The following PTCH1 variants were observed in gnomAD, a reference collection of about 807,000 sequenced individuals.
PTCH1 encodes protein patched homolog 1.
In PTCH1, 14 loss-of-function variants were observed where a neutral mutation model predicts 144.6. The ratio of observed to expected loss-of-function variants is 0.10; its 90% CI spans 0.06 to 0.15. PTCH1 has a LOEUF of 0.15. PTCH1 is among the 10% of genes least tolerant of loss of function. PTCH1 has a pLI of 1.00. For synonymous variants in PTCH1, 833 were observed against 793.6 expected (o/e 1.05, Z -0.83); for missense variants, 1,623 against 1,948.3 (o/e 0.83, Z 3.14).
At position 95,458,289 on chromosome 9, in the gene PTCH1, C is replaced by T. The variant is rs377213209; in HGVS notation, c.2892G>A (p.Pro964=). Residue 964 remains proline (P), a synonymous_variant, in exon 18 of 24, where the codon CCG becomes CCA. Transcript: ENST00000331920. This position sits in a 1 kb window ranked among gnomAD's most constrained non-coding sequence, Gnocchi z 4.7. ...DYMPETRLRI[P]AAEPIEYAQF... ...GGGCATACTCGATGGGCTCTGCTGC[C>T]GGGACTGGACAGAGAAGGGCACAGG... 34 of 1,613,114 alleles carry T rather than the reference C, an allele frequency of 2.1e-5. No individual in the cohort carries two copies. The highest frequency in any genetic ancestry group is 5.0e-5 in the Admixed American group (3 of 59,852).
intron 2 of PTCH1, among the ~76,000 whole-genome samples, chr9:95,499,093 G>A (rs1184499064): frequency 2.6e-5 from 4 of 152,106 alleles, no homozygotes; most frequent in African/African-American, 4.8e-5. Context: ...CACTGTCCAT[G>A]CGCCACGGTA....
chr9:95,498,797 C>G (rs998589290), intron 2 of PTCH1, among the ~76,000 whole-genome samples: 12 of 152,172 alleles, frequency 7.9e-5, no homozygotes, highest in African/African-American at 2.9e-4. Context: ...TGAGAGAATC[C>G]CGCAGAGCTT....
At chr9:95,494,171 A>T in intron 2 of PTCH1, 1 of 980,306 alleles carries the variant, frequency 1.0e-6, no homozygotes, top group Non-Finnish European at 1.2e-6. Context: ...GCCGGAAGCA[A>T]GCTTCCCCGC....
Position 95,508,508 on chromosome 9 carries a change from G to A in PTCH1, c.-147C>T, listed in dbSNP as rs931145274. The A allele has an allele frequency of 2.0e-6, 2 of 1,017,510 alleles. No homozygotes were observed. The highest frequency in any genetic ancestry group is 2.3e-6 in the Non-Finnish European group (2 of 851,104). The allele number at this position is 1,017,510 out of a possible 1,614,324, so 63.0% of individuals were successfully genotyped here. A position where few individuals can be genotyped will look rare whatever the true frequency, so the allele number is the denominator to read the frequency against. On this transcript the variant is annotated 5_prime_UTR_variant, in exon 1 of 24. Coordinates refer to ENST00000331920, the MANE Select transcript of PTCH1 (RefSeq NM_000264.5). ...CGCAGGCTGCTCGGGCTCGGGCTCC[G>A]GTTGACAGACCAGCCGCTGCTGCTG...
rs2118880579 is a variant in PTCH1, at chr9:95,506,565, A to T, written c.236T>A (p.Leu79Gln). 1 of 1,612,882 alleles carries T rather than the reference A, an allele frequency of 6.2e-7. No homozygotes were observed. Among genetic ancestry groups the T allele is most frequent in the Non-Finnish European group, 8.5e-7 (1 of 1,179,446 alleles). ...TAAGAGTCTCTGAAACTTCGCTCTC[A>T]GCCACAGCGGCGCTTTCCGGCCAGT... ...KATGRKAPLWLRAKFQRLLFK... is the reference protein window; with the variant it reads ...KATGRKAPLWQRAKFQRLLFK... The change falls in exon 2 of 24, where the codon CTG becomes CAG. Residue 79 changes from leucine (L) to glutamine (Q), a missense_variant. Physicochemically the swap from Leu to Gln is moderately radical, Grantham distance 113. This residue lies in a region of PTCH1 where 245 missense variants were observed against 240.6 expected (regional missense o/e 1.02). Transcript: ENST00000331920.
intron 2 of PTCH1, among the ~76,000 whole-genome samples, chr9:95,486,121 C>T (rs1364880875): frequency 6.6e-6 from 1 of 151,958 alleles, no homozygotes; most frequent in Non-Finnish European, 1.5e-5. Context: ...CTAATTCTAA[C>T]TAATACACTG....
Position 95,467,096 on chromosome 9 carries a change from A to G in PTCH1, c.2560+20T>C, listed in dbSNP as rs750223422. 12 of 1,613,220 alleles carry G rather than the reference A, an allele frequency of 7.4e-6. No individual in the cohort carries two copies. In the Admixed American group the frequency reaches 1.5e-4, roughly 20 times the overall value. On this transcript the variant is annotated intron_variant, in intron 15 of 23. Coordinates refer to ENST00000331920, the MANE Select transcript of PTCH1 (RefSeq NM_000264.5). ...ACACGCAAAAGACCGAAAGGACGAG[A>G]GCCTCCCACGCCGTCTTACCCTGAA...
chr9:95,460,063 A>G, intron 16 of PTCH1: 1 of 470,824 alleles, frequency 2.1e-6, no homozygotes, highest in Non-Finnish European at 3.9e-6. Context: ...GACCGTCTGC[A>G]GCCAAGGCAG....
At chr9:95,514,101 A>C (rs1844264395), upstream of PTCH1, 2 of 152,142 alleles carry the variant, frequency 1.3e-5, no homozygotes, top group South Asian at 4.1e-4. Flanking sequence ...ATTAGACTTT[A>C]TGTATTGCCA....
In PTCH1 at chr9:95,446,250, C is replaced by T. The variant is rs1385499951; in HGVS notation, c.*143G>A. The T allele has an allele frequency of 5.4e-5, 23 of 425,314 alleles. No individual in the cohort carries two copies. Among genetic ancestry groups the T allele is most frequent in the East Asian group, 4.8e-4 (7 of 14,456 alleles). The allele number at this position is 425,314 out of a possible 1,614,324, so 26.3% of individuals were successfully genotyped here. ...GAAATATTTAACAAAATAATACAATCGGTTACAGTAACAATGAACTGCTGT... is the reference window on the plus strand; with the variant it reads ...GAAATATTTAACAAAATAATACAATTGGTTACAGTAACAATGAACTGCTGT... On this transcript the variant is annotated 3_prime_UTR_variant, in exon 24 of 24. Transcript: ENST00000331920.
upstream of PTCH1, among the ~76,000 whole-genome samples, chr9:95,512,776 C>T (rs559046021): frequency 6.6e-6 from 1 of 152,306 alleles, no homozygotes; most frequent in East Asian, 1.9e-4. Context: ...GGAAGACAGT[C>T]CCTTTAAATG....
rs1490235395 is a variant in PTCH1, at chr9:95,443,240, C to T, written c.*3153G>A. On this transcript the variant is annotated 3_prime_UTR_variant, in exon 24 of 24. Transcript: ENST00000331920. ...TGTAACAGAGCTATGCTTATACCCA[C>T]TATTTATACAAAACAAAAAGGAGGA... 2 of 152,144 alleles carry T rather than the reference C, an allele frequency of 1.3e-5. No homozygotes were observed. Among genetic ancestry groups the T allele is most frequent in the Non-Finnish European group, 2.9e-5 (2 of 68,044 alleles). The allele number at this position is 152,144 out of a possible 1,614,324, so 9.4% of individuals were successfully genotyped here.
At chr9:95,496,985 A>G (rs1842836849) in intron 2 of PTCH1, among the ~76,000 whole-genome samples, 1 of 152,170 alleles carries the variant, frequency 6.6e-6, no homozygotes, top group Admixed American at 6.5e-5. Flanking sequence ...GGGAGGAGAA[A>G]GAGGGAGTCA....
chr9:95,495,904 G>T (rs530270180), intron 2 of PTCH1, among the ~76,000 whole-genome samples: 2 of 151,108 alleles, frequency 1.3e-5, no homozygotes, highest in Non-Finnish European at 3.0e-5. Flanking sequence ...GTACACACAC[G>T]ATTTCTACAG....
At chr9:95,450,054 C>T (rs1490864040) in intron 20 of PTCH1, 114 bp from the exon 21 acceptor site, 1 of 922,568 alleles carries the variant, frequency 1.1e-6, no homozygotes, top group Non-Finnish European at 1.7e-6. Context: ...ACCCACCCCA[C>T]TGAAAAGGCT....
At position 95,479,105 on chromosome 9, in the gene PTCH1, C is replaced by T. The variant is rs758977865; in HGVS notation, c.1110G>A (p.Lys370=). 15 of 1,613,996 alleles carry T rather than the reference C, an allele frequency of 9.3e-6. No homozygotes were observed. The highest frequency in any genetic ancestry group is 1.3e-5 in the Non-Finnish European group (15 of 1,180,044). ...ACCCCTTGAAGTGCTCGTACATTTGCTTGGGAGTCATTAACTGGAACATGG... is the reference window on the plus strand; with the variant it reads ...ACCCCTTGAAGTGCTCGTACATTTGTTTGGGAGTCATTAACTGGAACATGG... ...LQTMFQLMTP[K]QMYEHFKGYE... is the part of the protein sequence containing the mutation. The change falls in exon 8 of 24, where the codon AAG becomes AAA. Residue 370 remains lysine, a synonymous_variant. Transcript: ENST00000331920.
At chr9:95,516,846 C>T (rs1303354516) in exon 1 of PTCH1, 1 of 1,579,574 alleles carries the variant, frequency 6.3e-7, no homozygotes, top group Admixed American at 1.9e-5. Context: ...TGGTCTGCCG[C>T]GCCATAGGCA....
intron 18 of PTCH1, 34 bp from the exon 19 acceptor site, chr9:95,456,447 C>G (rs771310220): frequency 4.2e-5 from 67 of 1,610,976 alleles, no homozygotes; most frequent in Non-Finnish European, 5.4e-5. Context: ...AGTGGGCGGG[C>G]AGGTCACCCT....
At chr9:95,464,415 T>C (rs1420199718) in intron 15 of PTCH1, among the ~76,000 whole-genome samples, 1 of 152,222 alleles carries the variant, frequency 6.6e-6, no homozygotes, top group Non-Finnish European at 1.5e-5. Flanking sequence ...AGCTAGAAGT[T>C]CTCCTCTTAT....
Sources: allele counts gnomAD v4.1 joint callset (sites outside exome capture counted in the v4.1 genomes callset), GRCh38; gene constraint gnomAD v4.1.1; regional missense constraint gnomAD v4.1.1; non-coding constraint Gnocchi (gnomAD v3.1); transcripts MANE v1.5; gene names NCBI Gene and HGNC (gene_info 2026-07-23, HGNC 2026-07-21).